ARHGEF10L: variants seen among roughly 807,000 people sequenced by gnomAD.
The protein encoded by ARHGEF10L is Rho guanine nucleotide exchange factor 10 like.
A neutral mutation model predicts 141.2 loss-of-function variants in ARHGEF10L; 69 were observed. The ratio of observed to expected loss-of-function variants is 0.49; its 90% CI spans 0.40 to 0.60. The LOEUF is 0.60. Among genes scored for constraint, ARHGEF10L ranks in the 20% least tolerant of loss-of-function variants. The probability of loss-of-function intolerance (pLI) is 0.00; values close to 1 mark genes in which losing one functional copy is unlikely to be tolerated. For missense variants in ARHGEF10L, 1,482 were observed against 1,734.3 expected, an observed-to-expected ratio of 0.85 and a Z score of 2.58; for synonymous variants, 711 against 718.5, an observed-to-expected ratio of 0.99 and a Z score of 0.17.
intron 28 of ARHGEF10L, 96 bp from the exon 29 acceptor site, chr1:17,696,752 T>A: frequency 5.5e-5 from 64 of 1,155,298 alleles, no homozygotes; most frequent in Non-Finnish European, 6.9e-5. Context: ...CCCCCCCAAA[T>A]ACCCACCCAG....
chr1:17,630,020 G>A (rs1489560578), intron 15 of ARHGEF10L, among the ~76,000 whole-genome samples: 4 of 152,180 alleles, frequency 2.6e-5, no homozygotes, highest in African/African-American at 9.7e-5. Flanking sequence ...AGGACTAGAG[G>A]CTCTAAGCTT....
At chr1:17,624,206 T>C (rs918310950) in intron 12 of ARHGEF10L, among the ~76,000 whole-genome samples, 181 bp from the exon 13 acceptor site, 1 of 152,174 alleles carries the variant, frequency 6.6e-6, no homozygotes, top group African/African-American at 2.4e-5. Flanking sequence ...CTGAGCTCCA[T>C]GTCCACACCC....
intron 26 of ARHGEF10L, among the ~76,000 whole-genome samples, chr1:17,679,166 C>G (rs1161081847): frequency 3.3e-5 from 5 of 152,172 alleles, no homozygotes; most frequent in Non-Finnish European, 7.4e-5. Flanking sequence ...TGACCTCACA[C>G]CCACCTTACA....
chr1:17,637,800 A>G (rs1324069996), intron 18 of ARHGEF10L, 88 bp from the exon 19 acceptor site: 3 of 1,271,596 alleles, frequency 2.4e-6, no homozygotes, highest in South Asian at 1.4e-5. Flanking sequence ...CACCGCGCCC[A>G]GCCTCTGGAT....
At position 17,646,110 on chromosome 1, in the gene ARHGEF10L, G is replaced by A. The variant is rs936225218; in HGVS notation, c.2273-2444G>A. On this transcript the variant is annotated intron_variant, in intron 21 of 28. Coordinates refer to ENST00000361221, the MANE Select transcript of ARHGEF10L (RefSeq NM_018125.4). ...CACTGCTCAGTGACTCAGGCCGGAG[G>A]GTGTGAGCCCGCCGGGTGCTGGCGC... Among the ~76,000 whole-genome samples the A allele has an allele frequency of 2.7e-4, 41 of 152,214 alleles. 1 individual carries two copies. The highest frequency in any genetic ancestry group is 4.4e-5 in the Non-Finnish European group (3 of 68,030).
Position 17,607,833 on chromosome 1 carries a change from G to A in ARHGEF10L, c.465G>A (p.Ala155=), listed in dbSNP as rs770015443. The change falls in exon 7 of 29, where the codon GCG becomes GCA. Residue 155 remains alanine, a synonymous_variant. Transcript: ENST00000361221. The surrounding 1 kb of genome is among the most constrained non-coding windows in gnomAD (Gnocchi z 4.5). ...AGAGGAACCTGCTCTACGAGGATGC[G>A]CACCGGGCTGGGGCCCCTCGGCAGG... The part of the protein sequence containing the change: ...GAERNLLYED[A]HRAGAPRQAE... 1.1e-5 allele frequency: 17 copies of A among 1,592,378 alleles called. No individual in the cohort carries two copies. The highest frequency in any genetic ancestry group is 1.5e-5 in the Non-Finnish European group (17 of 1,170,524).
chr1:17,576,313 G>A (rs2078222210), intron 1 of ARHGEF10L, among the ~76,000 whole-genome samples: 1 of 152,110 alleles, frequency 6.6e-6, no homozygotes, highest in South Asian at 2.1e-4. Context: ...AAGCCAGGAA[G>A]ACACCTGCTG....
At chr1:17,598,557 C>A (rs537485366) in intron 4 of ARHGEF10L, among the ~76,000 whole-genome samples, 1 of 152,126 alleles carries the variant, frequency 6.6e-6, no homozygotes, top group Non-Finnish European at 1.5e-5. Flanking sequence ...TCTCTAGGGC[C>A]TCTTTTATAT....
In ARHGEF10L at chr1:17,540,556, G is replaced by T. The variant is rs985747605; in HGVS notation, c.-44+606G>T. On this transcript the variant is annotated intron_variant, in intron 1 of 28. Transcript: ENST00000361221. ...CAGGGAGGGCCCTAGATGAAGACCAGCCCCCCTGGAGTCGCTGGGATGGCC... is the reference window on the plus strand; with the variant it reads ...CAGGGAGGGCCCTAGATGAAGACCATCCCCCCTGGAGTCGCTGGGATGGCC... Among the ~76,000 whole-genome samples the T allele has an allele frequency of 1.4e-4, 22 of 152,284 alleles. 1 individual carries two copies. Among genetic ancestry groups the T allele is most frequent in the African/African-American group, 5.1e-4 (21 of 41,562 alleles).
rs1255588296 is a variant in ARHGEF10L at position 17,627,977 on chromosome 1, GAAGA to G, written c.1584+479_1584+482del. On this transcript the variant is annotated intron_variant, in intron 15 of 28. Coordinates refer to ENST00000361221, the MANE Select transcript of ARHGEF10L (RefSeq NM_018125.4). This position sits in a 1 kb window ranked among gnomAD's most constrained non-coding sequence, Gnocchi z 4.0. ...GGCTTCGTGATTGTCCTTAACACAAGAAGAAAGATGAAAAGTCCATGCCATGTTT... is the reference window on the plus strand; with the variant it reads ...GGCTTCGTGATTGTCCTTAACACAAGAAGATGAAAAGTCCATGCCATGTTT... Among the ~76,000 whole-genome samples, 1 of 151,834 alleles carries G rather than the reference GAAGA, an allele frequency of 6.6e-6. No individual in the cohort carries two copies. The highest frequency in any genetic ancestry group is 1.5e-5 in the Non-Finnish European group (1 of 67,994).
intron 9 of ARHGEF10L, chr1:17,618,253 G>GCCCAACCCCCC: frequency 7.4e-7 from 1 of 1,356,208 alleles, no homozygotes; most frequent in Non-Finnish European, 9.8e-7. Flanking sequence ...GCTCTCCTCA[G>GCCCAACCCCCC]CCCTCCCCAC....
chr1:17,550,511 C>T lies in ARHGEF10L; in HGVS notation c.-44+10561C>T, dbSNP rs895680813. 6.6e-5 allele frequency among the ~76,000 whole-genome samples: 10 copies of T among 152,118 alleles called. 1 individual carries two copies. The highest frequency in any genetic ancestry group is 4.1e-4 in the South Asian group (2 of 4,824). The stretch of plus-strand genomic sequence containing the variant: ...TACAAAAATTAGCCAGGTGTGGTGG[C>T]GGGCGCCTGTAATCCCAGCTACTCA... On this transcript the variant is annotated intron_variant, in intron 1 of 28. Coordinates refer to ENST00000361221, the MANE Select transcript of ARHGEF10L (RefSeq NM_018125.4).
At chr1:17,518,480 T>C in the ARHGEF10L span, among the ~76,000 whole-genome samples, 2 of 151,942 alleles carry the variant, frequency 1.3e-5, no homozygotes, top group African/African-American at 4.8e-5. Context: ...GATCTGGGGG[T>C]AATCAAAACT....
At chr1:17,534,833 T>C (rs2100555142), upstream of ARHGEF10L, among the ~76,000 whole-genome samples, 1 of 152,002 alleles carries the variant, frequency 6.6e-6, no homozygotes, top group East Asian at 1.9e-4. Context: ...AGATGATCCA[T>C]CTGCCTTGGC....
intron 7 of ARHGEF10L, among the ~76,000 whole-genome samples, chr1:17,610,401 C>T (rs1421572660): frequency 6.6e-6 from 1 of 152,214 alleles, no homozygotes; most frequent in African/African-American, 2.4e-5. Context: ...TTGGACCCTT[C>T]CTCAGCAGAA....
At chr1:17,665,778 G>T (rs1384121479) in intron 26 of ARHGEF10L, among the ~76,000 whole-genome samples, 2 of 152,196 alleles carry the variant, frequency 1.3e-5, no homozygotes, top group African/African-American at 4.8e-5. Context: ...GTATACACAC[G>T]TATATAGAAA....
chr1:17,550,582 G>T (rs1463830229), intron 1 of ARHGEF10L, among the ~76,000 whole-genome samples: 1 of 151,494 alleles, frequency 6.6e-6, no homozygotes, highest in Non-Finnish European at 1.5e-5. Context: ...GGTGGAGGTT[G>T]CAGTGAGCTG....
In ARHGEF10L at chr1:17,615,556, G is replaced by A. The variant is rs2059760258; in HGVS notation, c.727-538G>A. On this transcript the variant is annotated intron_variant, in intron 8 of 28. Coordinates refer to ENST00000361221, the MANE Select transcript of ARHGEF10L (RefSeq NM_018125.4). The surrounding 1 kb of genome is among the most constrained non-coding windows in gnomAD (Gnocchi z 4.7). ...CTCACCTGGGTTTGGCGGATGGGAT[G>A]GGGGTGTGCACACACCTCCTTTAGT... 1 of 152,276 alleles carries A rather than the reference G, an allele frequency of 6.6e-6. No individual in the cohort carries two copies. The highest frequency in any genetic ancestry group is 2.1e-4 in the South Asian group (1 of 4,820). 9.4% of individuals were successfully genotyped at this position (152,276 alleles called of 1,614,324 possible). A position where few individuals can be genotyped will look rare whatever the true frequency, so the allele number is the denominator to read the frequency against.
At chr1:17,671,287 T>A (rs970236455) in intron 26 of ARHGEF10L, among the ~76,000 whole-genome samples, 2 of 152,176 alleles carry the variant, frequency 1.3e-5, no homozygotes, top group Non-Finnish European at 2.9e-5. Flanking sequence ...GGAAGTGTCC[T>A]GGGAAGAACT....
Sources: gnomAD v4.1 joint callset for allele counts (sites outside exome capture counted in the v4.1 genomes callset) on GRCh38, gnomAD v4.1.1 for gene constraint, Gnocchi (gnomAD v3.1) non-coding constraint, MANE v1.5 for transcripts, NCBI Gene and HGNC (gene_info 2026-07-23, HGNC 2026-07-21) for gene names.